The following ACACA variants were observed in gnomAD, a reference collection of about 807,000 sequenced individuals.
ACACA encodes acetyl-CoA carboxylase 1.
A neutral mutation model predicts 296.1 loss-of-function variants in ACACA; 103 were observed. That is an observed-to-expected ratio of 0.35 (90% CI 0.30 to 0.41). The LOEUF is 0.41. Among genes scored for constraint, ACACA ranks in the 10% least tolerant of loss-of-function variants. ACACA has a pLI of 1.00. For synonymous variants in ACACA, 953 were observed against 1,038.6 expected, an observed-to-expected ratio of 0.92 and a Z score of 1.58; for missense variants, 1,554 against 2,989.7, an observed-to-expected ratio of 0.52 and a Z score of 11.20.
At position 37,242,049 on chromosome 17, in the gene ACACA, G is replaced by A; in HGVS notation, c.2936C>T (p.Ala979Val). The A allele has an allele frequency of 6.2e-7, 1 of 1,613,610 alleles. No homozygotes were observed. The highest frequency in any genetic ancestry group is 8.5e-7 in the Non-Finnish European group (1 of 1,179,776). Reference sequence around the variant, plus strand: ...AGCTGCATGGCTATCTAGGATGTTTGCAATCTAAGGTATAAAAAAGGGAAA... The same window carrying A: ...AGCTGCATGGCTATCTAGGATGTTTACAATCTAAGGTATAAAAAAGGGAAA... ...VLCQFPSQQI[A>V]NILDSHAATL... The change falls in exon 23 of 56, where the codon GCA becomes GTA. Residue 979 changes from alanine to valine, a missense_variant. Transcript: ENST00000616317.
intron 3 of ACACA, among the ~76,000 whole-genome samples, chr17:37,312,609 C>G (rs755110426): frequency 6.6e-6 from 1 of 152,118 alleles, no homozygotes; most frequent in Non-Finnish European, 1.5e-5. Flanking sequence ...GAAAACATTA[C>G]ATGTTTTTGA....
intron 2 of ACACA, among the ~76,000 whole-genome samples, chr17:37,338,133 A>G (rs1210681979): frequency 6.7e-6 from 1 of 148,446 alleles, no homozygotes; most frequent in Non-Finnish European, 1.5e-5. Context: ...AAAATAAAAT[A>G]AAACAAAACT....
In ACACA at chr17:37,383,719, T is replaced by A. The variant is rs536820393; in HGVS notation, c.38+22543A>T. ...CACCATGCCCAGCTAATTTTTTGTA[T>A]TTTTAGTAGAGATAGGGTTTTGCCA... On this transcript the variant is annotated intron_variant, in intron 1 of 55. Transcript: ENST00000616317. Among the ~76,000 whole-genome samples, 24 of 152,278 alleles carry A rather than the reference T, an allele frequency of 1.6e-4. 1 individual carries two copies. Among genetic ancestry groups the A allele is most frequent in the African/African-American group, 5.3e-4 (22 of 41,572 alleles).
rs1475003188 is a variant in ACACA at position 37,162,013 on chromosome 17, G to A, written c.5117C>T (p.Pro1706Leu). The change falls in exon 42 of 56, where the codon CCT becomes CTT. Residue 1706 changes from proline (P) to leucine (L), a missense_variant. By Grantham distance (98) the Pro-to-Leu change is moderately conservative. This residue lies in a region of ACACA where 553 missense variants were observed against 1,043.6 expected (regional missense o/e 0.53). Transcript: ENST00000616317. ...GATATCTCGGCCTTCTGGATATTCA[G>A]GACTTTTAAAGGTCATTTTCCAAGC... is the stretch of plus-strand genomic sequence containing the variant. ...MVAWKMTFKSPEYPEGRDIIV... is the reference protein window; with the variant it reads ...MVAWKMTFKSLEYPEGRDIIV... The A allele has an allele frequency of 6.2e-7, 1 of 1,614,124 alleles. No homozygotes were observed. The highest frequency in any genetic ancestry group is 8.5e-7 in the Non-Finnish European group (1 of 1,180,006).
chr17:37,164,073 C>T (rs1396474176), intron 41 of ACACA, among the ~76,000 whole-genome samples: 2 of 137,246 alleles, frequency 1.5e-5, no homozygotes, highest in Admixed American at 7.5e-5. Context: ...TTCTGTCTCT[C>T]ACCCCCCTCC....
At chr17:37,319,479 G>A (rs1414469371) in intron 3 of ACACA, among the ~76,000 whole-genome samples, 1 of 152,076 alleles carries the variant, frequency 6.6e-6, no homozygotes, top group Non-Finnish European at 1.5e-5. Flanking sequence ...GCTTGCTTGT[G>A]TTGTTTTTTA....
chr17:37,393,218 A>C (rs1348189892), intron 1 of ACACA, among the ~76,000 whole-genome samples: 1 of 152,094 alleles, frequency 6.6e-6, no homozygotes, highest in South Asian at 2.1e-4. Context: ...GTAGAGAGGA[A>C]AGAGCACTGA....
At chr17:37,202,668 CATAT>C (rs1179497445) in intron 33 of ACACA, among the ~76,000 whole-genome samples, 55 of 71,158 alleles carry the variant, frequency 7.7e-4, no homozygotes, top group African/African-American at 1.8e-3. Flanking sequence ...CCTTTTCTTT[CATAT>C]ATATATATAT....
chr17:37,217,138 G>A (rs1010672216), intron 29 of ACACA, among the ~76,000 whole-genome samples: 8 of 151,700 alleles, frequency 5.3e-5, no homozygotes. Flanking sequence ...GTGTACGCCT[G>A]TAATCCCAGC....
intron 39 of ACACA, among the ~76,000 whole-genome samples, chr17:37,187,868 A>T (rs1029360049): frequency 2.0e-5 from 3 of 152,252 alleles, no homozygotes; most frequent in African/African-American, 7.2e-5. Context: ...TGGTGACATA[A>T]ATCCAACAAT....
intron 40 of ACACA, among the ~76,000 whole-genome samples, chr17:37,179,868 C>A (rs2077254736): frequency 6.6e-6 from 1 of 152,116 alleles, no homozygotes; most frequent in Non-Finnish European, 1.5e-5. Flanking sequence ...GGGAAGAAAC[C>A]TCTTTCTAAT....
chr17:37,389,181 G>T, intron 1 of ACACA: 1 of 1,526,968 alleles, frequency 6.5e-7, no homozygotes, highest in Non-Finnish European at 8.8e-7. Flanking sequence ...CCAACAAGAG[G>T]TTTGGAAGAA....
intron 35 of ACACA, among the ~76,000 whole-genome samples, chr17:37,196,267 T>C (rs1289374687): frequency 6.6e-6 from 1 of 151,342 alleles, no homozygotes; most frequent in East Asian, 1.9e-4. Context: ...GTTGGTCCAC[T>C]ACCAAACAGA....
In ACACA at chr17:37,291,912, TAGG is replaced by T. The variant is rs542201148; in HGVS notation, c.339-6945_339-6943del. Among the ~76,000 whole-genome samples the T allele has an allele frequency of 5.3e-5, 8 of 152,212 alleles. No individual in the cohort carries two copies. In the East Asian group the frequency reaches 1.4e-3, roughly 26 times the overall value. On this transcript the variant is annotated intron_variant, in intron 3 of 55. Coordinates refer to ENST00000616317, the MANE Select transcript of ACACA (RefSeq NM_198834.3). ...GGCAAGAGTAAAAGGCAGTGCCTTTTAGGAGAATTTTTTTTTTCATTGAAACTG... is the reference window on the plus strand; with the variant it reads ...GGCAAGAGTAAAAGGCAGTGCCTTTTAGAATTTTTTTTTTCATTGAAACTG...
intron 45 of ACACA, among the ~76,000 whole-genome samples, chr17:37,133,239 C>T (rs1048759688): frequency 6.6e-6 from 1 of 152,166 alleles, no homozygotes; most frequent in African/African-American, 2.4e-5. Context: ...CAAACAAATG[C>T]TAACAATCAT....
At chr17:37,398,455 T>C (rs910804818) in intron 1 of ACACA, among the ~76,000 whole-genome samples, 1 of 142,788 alleles carries the variant, frequency 7.0e-6, no homozygotes, top group African/African-American at 2.6e-5. Context: ...CCCTGCTAAT[T>C]TTGTATTTTT....
intron 3 of ACACA, among the ~76,000 whole-genome samples, chr17:37,309,937 C>A (rs890300860): frequency 2.6e-5 from 4 of 151,850 alleles, no homozygotes; most frequent in African/African-American, 7.3e-5. Context: ...CCTATTGACC[C>A]AGGTACTTGG....
intron 1 of ACACA, chr17:37,378,002 A>G (rs112181268): frequency 6.3e-7 from 1 of 1,577,460 alleles, no homozygotes; most frequent in Non-Finnish European, 8.7e-7. Flanking sequence ...TGATATTGCC[A>G]TTCCAAAAAA....
rs529078747 is a variant in ACACA at position 37,131,613 on chromosome 17, C to T, written c.5680-1395G>A. Among the ~76,000 whole-genome samples, 31 of 152,264 alleles carry T rather than the reference C, an allele frequency of 2.0e-4. No individual in the cohort carries two copies. The South Asian group carries it at 5.4e-3, about 26-fold the overall frequency. On this transcript the variant is annotated intron_variant, in intron 45 of 55. Coordinates refer to ENST00000616317, the MANE Select transcript of ACACA (RefSeq NM_198834.3). ...CCAGCAAAGTCTGCCTGTATATTCC[C>T]ATTTTGCCCCTTCTTGTTAGGAGCT...
Sources: allele counts gnomAD v4.1 joint callset (sites outside exome capture counted in the v4.1 genomes callset), GRCh38; gene constraint gnomAD v4.1.1; regional missense constraint gnomAD v4.1.1; transcripts MANE v1.5; gene names NCBI Gene and HGNC (gene_info 2026-07-23, HGNC 2026-07-21).